Variants in PKHD1 observed in about 807,000 individuals in gnomAD.
The protein encoded by PKHD1 is PKHD1 ciliary IPT domain containing fibrocystin/polyductin.
Under a neutral mutation model 412.0 loss-of-function variants are expected in PKHD1, and 291 were observed. That is an observed-to-expected ratio of 0.71 (90% CI 0.64 to 0.78). The LOEUF (loss-of-function observed/expected upper bound fraction) is 0.78, where lower values mean the gene tolerates loss of function less well. PKHD1 is among the 30% of genes least tolerant of loss of function. PKHD1 has a pLI of 0.00. For missense variants in PKHD1, 4,825 were observed against 4,950.7 expected, an observed-to-expected ratio of 0.97 and a Z score of 0.76; for synonymous variants, 1,777 against 1,821.5, an observed-to-expected ratio of 0.98 and a Z score of 0.62.
At chr6:51,924,010 G>A (rs964205588) in intron 37 of PKHD1, among the ~76,000 whole-genome samples, 1 of 152,178 alleles carries the variant, frequency 6.6e-6, no homozygotes, top group African/African-American at 2.4e-5. Flanking sequence ...TTCACAGGGT[G>A]GTTGTGAGAG....
At chr6:52,060,944 G>C (rs1315209394) in intron 14 of PKHD1, among the ~76,000 whole-genome samples, 2 of 152,012 alleles carry the variant, frequency 1.3e-5, no homozygotes, top group Non-Finnish European at 2.9e-5. Context: ...TGGAAAATTA[G>C]TTACTACCTG....
rs77950916 is a variant in PKHD1, at chr6:51,721,503, A to T, written c.10156+22882T>A. On this transcript the variant is annotated intron_variant, in intron 60 of 66. Coordinates refer to ENST00000371117, the MANE Select transcript of PKHD1 (RefSeq NM_138694.4). ...TATTTCACCTATCACTTTATTCCAGATAATTTATATCTAGCTGCAATTTAT... is the reference window on the plus strand; with the variant it reads ...TATTTCACCTATCACTTTATTCCAGTTAATTTATATCTAGCTGCAATTTAT... 6.4e-3 allele frequency: 5,998 copies of T among 941,018 alleles called. 277 individuals are homozygous for T. The African/African-American group carries it at 0.096, about 15-fold the overall frequency. The allele number at this position is 941,018 out of a possible 1,614,324, so 58.3% of individuals were successfully genotyped here. A position where few individuals can be genotyped will look rare whatever the true frequency, so the allele number is the denominator to read the frequency against.
At chr6:51,835,338 T>A (rs1323381594) in intron 51 of PKHD1, among the ~76,000 whole-genome samples, 1 of 152,126 alleles carries the variant, frequency 6.6e-6, no homozygotes, top group African/African-American at 2.4e-5. Flanking sequence ...ACACAGCAAA[T>A]CAAATCTCTC....
Position 51,721,227 on chromosome 6 carries a change from C to T in PKHD1, c.10156+23158G>A, listed in dbSNP as rs1465779156. 6 of 950,662 alleles carry T rather than the reference C, an allele frequency of 6.3e-6. No homozygotes were observed. The East Asian group carries it at 4.6e-4, about 73-fold the overall frequency. 58.9% of individuals were successfully genotyped at this position (950,662 alleles called of 1,614,324 possible). A position where few individuals can be genotyped will look rare whatever the true frequency, so the allele number is the denominator to read the frequency against. ...TTGCAATTCAAAAAATTGCAACCTC[C>T]AGCATAAATGGGTTATCTTTACCAC... is the stretch of plus-strand genomic sequence containing the variant. On this transcript the variant is annotated intron_variant, in intron 60 of 66. Coordinates refer to ENST00000371117, the MANE Select transcript of PKHD1 (RefSeq NM_138694.4).
intron 58 of PKHD1, 39 bp from the exon 59 acceptor site, chr6:51,746,928 A>G: frequency 1.7e-6 from 2 of 1,195,660 alleles, no homozygotes; most frequent in Non-Finnish European, 2.4e-6. Context: ...ATTATATCAT[A>G]TAAACCACCA....
chr6:51,955,607 A>G (rs1273992278), intron 36 of PKHD1, among the ~76,000 whole-genome samples: 2 of 152,092 alleles, frequency 1.3e-5, no homozygotes, highest in Non-Finnish European at 2.9e-5. Context: ...GCTTCCATGA[A>G]TGGAAAAATA....
In PKHD1 at chr6:52,010,315, G is replaced by C; in HGVS notation, c.5745C>G (p.Asn1915Lys). 6.2e-7 allele frequency: 1 copy of C among 1,613,520 alleles called. No homozygotes were observed. The highest frequency in any genetic ancestry group is 8.5e-7 in the Non-Finnish European group (1 of 1,179,616). ...AAAAAAGATTTGATTATACCTGAGTGTTCTGGCCCCAGCGTTTCCGTATCT... is the reference window on the plus strand; with the variant it reads ...AAAAAAGATTTGATTATACCTGAGTCTTCTGGCCCCAGCGTTTCCGTATCT... The part of the protein sequence containing the change: ...ITEIRKRWGQ[N>K]TQGNFSLQFC... The change falls in exon 35 of 67, where the codon AAC becomes AAG. Residue 1915 changes from asparagine (N) to lysine (K), a missense_variant. By Grantham distance (94) the Asn-to-Lys change is moderately conservative. Transcript: ENST00000371117.
chr6:51,643,708 C>T (rs371913249), intron 63 of PKHD1, among the ~76,000 whole-genome samples: 2 of 151,832 alleles, frequency 1.3e-5, no homozygotes, highest in African/African-American at 4.8e-5. Flanking sequence ...TTTTAAATTC[C>T]GGGATACATG....
At chr6:51,684,221 A>T (rs1403994849) in intron 60 of PKHD1, among the ~76,000 whole-genome samples, 1 of 152,140 alleles carries the variant, frequency 6.6e-6, no homozygotes, top group Non-Finnish European at 1.5e-5. Flanking sequence ...AACAGAACTA[A>T]ATGTTAGAAG....
intron 37 of PKHD1, among the ~76,000 whole-genome samples, chr6:51,924,971 T>A (rs534550312): frequency 2.3e-4 from 35 of 152,290 alleles, no homozygotes; most frequent in African/African-American, 8.2e-4. Flanking sequence ...TCATGAGAAA[T>A]GTCTTAAAAT....
chr6:51,931,092 C>T (rs759510335), intron 37 of PKHD1, among the ~76,000 whole-genome samples: 9 of 152,174 alleles, frequency 5.9e-5, no homozygotes, highest in Non-Finnish European at 1.2e-4. Context: ...CATAGCTGAT[C>T]TGTGGCAGAA....
In PKHD1 at chr6:51,748,245, T is replaced by C. The variant is rs373241537; in HGVS notation, c.9371A>G (p.His3124Arg). The part of the protein sequence containing the change: ...CELLWSDNVA[H>R]SSLHGLHLYK... ...GAGATGAAGGCCATGAAGACTTGAA[T>C]GCGCCACATTGTCAGACCAAAGCAG... The change falls in exon 58 of 67, where the codon CAT (histidine) becomes CGT (arginine). Residue 3124 changes from histidine (H) to arginine (R), a missense_variant. Transcript: ENST00000371117. 2 of 1,613,970 alleles carry C rather than the reference T, an allele frequency of 1.2e-6. No homozygotes were observed. The highest frequency in any genetic ancestry group is 1.7e-6 in the Non-Finnish European group (2 of 1,179,988).
At position 51,836,448 on chromosome 6, in the gene PKHD1, T is replaced by G; in HGVS notation, c.8129A>C (p.Gln2710Pro). ...TYLVSGEGQV[Q>P]VILRVKEGMP... is the part of the protein sequence containing the mutation. ...ACCTTCCTTCACCCGGAGAATGACTTGAACTTGGCCTTCACCTGAAACTAA... is the reference window on the plus strand; with the variant it reads ...ACCTTCCTTCACCCGGAGAATGACTGGAACTTGGCCTTCACCTGAAACTAA... Residue 2710 changes from glutamine (Q) to proline (P), a missense_variant, in exon 51 of 67, where the codon CAA (glutamine) becomes CCA (proline). Gln to Pro is a moderately conservative substitution (Grantham distance 76, BLOSUM62 -1). Transcript: ENST00000371117. 6.2e-7 allele frequency: 1 copy of G among 1,613,236 alleles called. No homozygotes were observed. Among genetic ancestry groups the G allele is most frequent in the Non-Finnish European group, 8.5e-7 (1 of 1,179,210 alleles).
rs773634689 is a variant in PKHD1, at chr6:52,010,451, A to G, written c.5609T>C (p.Leu1870Ser). The G allele has an allele frequency of 4.4e-6, 7 of 1,599,284 alleles. No individual in the cohort carries two copies. Among genetic ancestry groups the G allele is most frequent in the Non-Finnish European group, 6.0e-6 (7 of 1,166,634 alleles). The change falls in exon 35 of 67, where the codon TTG (leucine) becomes TCG (serine). Residue 1870 changes from leucine to serine, a missense_variant. By Grantham distance (145) the Leu-to-Ser change is moderately radical. Transcript: ENST00000371117. Reference sequence around the variant, plus strand: ...ATAGATGAGAACTTCATCTCTTTCCAATTTAGGGCTGAAACGAGAGGGGAG... The same window carrying G: ...ATAGATGAGAACTTCATCTCTTTCCGATTTAGGGCTGAAACGAGAGGGGAG... ...SFSGLFISPK[L>S]ERDEVLIYNS...
At position 51,658,257 on chromosome 6, in the gene PKHD1, G is replaced by A. The variant is rs1174378371; in HGVS notation, c.11174+695C>T. 9.9e-5 allele frequency among the ~76,000 whole-genome samples: 15 copies of A among 152,178 alleles called. No individual in the cohort carries two copies. In the East Asian group the frequency reaches 2.9e-3, roughly 29 times the overall value. On this transcript the variant is annotated intron_variant, in intron 61 of 66. Coordinates refer to ENST00000371117, the MANE Select transcript of PKHD1 (RefSeq NM_138694.4). ...AAATCAACCAGATCCAGAAAAATTTGCTTGCATTTTTTCTCATCCTCTTTA... is the reference window on the plus strand; with the variant it reads ...AAATCAACCAGATCCAGAAAAATTTACTTGCATTTTTTCTCATCCTCTTTA...
At chr6:52,047,667 G>T (rs9474138) in intron 23 of PKHD1, among the ~76,000 whole-genome samples, 41,611 of 151,976 alleles carry the variant, frequency 0.27, 5,888 homozygotes, top group East Asian at 0.43. Context: ...ACGGACCATG[G>T]CTACCATGTA....
At chr6:51,757,819 T>C (rs73426037) in intron 55 of PKHD1, among the ~76,000 whole-genome samples, 2,124 of 151,896 alleles carry the variant, frequency 0.014, 52 homozygotes, top group African/African-American at 0.047. Flanking sequence ...TCTGGGCAAC[T>C]AGAGTGATCC....
chr6:51,741,753 G>GC (rs942264285), intron 60 of PKHD1, among the ~76,000 whole-genome samples: 2 of 152,016 alleles, frequency 1.3e-5, no homozygotes, highest in Admixed American at 6.5e-5. Flanking sequence ...TTATAGGATC[G>GC]CCCCCCATTA....
chr6:52,046,041 C>T lies in PKHD1; in HGVS notation c.2555G>A (p.Trp852Ter). 1 of 1,613,744 alleles carries T rather than the reference C, an allele frequency of 6.2e-7. No individual in the cohort carries two copies. The highest frequency in any genetic ancestry group is 1.1e-5 in the South Asian group (1 of 91,070). ...GGGCAAATCCCCAATCTGAGTGGAC[C>T]AGGACAAGGTCCACACGTGTTCGTA... ...TCYEHVWTLS[W>*]STQIGDLPNF... The change falls in exon 24 of 67, where the codon TGG becomes TAG. Residue 852 changes from tryptophan to a stop codon, truncating the protein, a stop_gained. Transcript: ENST00000371117. LOFTEE classifies it high-confidence loss of function.
Sources: allele counts gnomAD v4.1 joint callset (sites outside exome capture counted in the v4.1 genomes callset), GRCh38; gene constraint gnomAD v4.1.1; transcripts MANE v1.5; gene names NCBI Gene and HGNC (gene_info 2026-07-23, HGNC 2026-07-21).